Variants in DPP6 observed in about 807,000 individuals in gnomAD.
The protein encoded by DPP6 is dipeptidyl peptidase like 6.
Under a neutral mutation model 122.6 loss-of-function variants are expected in DPP6, and 69 were observed. That is an observed-to-expected ratio of 0.56 (90% CI 0.46 to 0.69). The LOEUF (loss-of-function observed/expected upper bound fraction) is 0.69. DPP6 is among the 30% of genes least tolerant of loss of function. The pLI is 0.00. For missense variants in DPP6, 928 were observed against 1,116.9 expected, an observed-to-expected ratio of 0.83 and a Z score of 2.41; for synonymous variants, 418 against 433.1, an observed-to-expected ratio of 0.97 and a Z score of 0.43.
intron 2 of DPP6, among the ~76,000 whole-genome samples, chr7:154,461,737 GT>G (rs1821318244): frequency 6.6e-6 from 1 of 152,110 alleles, no homozygotes; most frequent in African/African-American, 2.4e-5. Context: ...CTATAGAGTT[GT>G]TTGAGCTCCA....
intron 8 of DPP6, among the ~76,000 whole-genome samples, chr7:154,757,124 C>A (rs1843723964): frequency 6.6e-6 from 1 of 151,458 alleles, no homozygotes; most frequent in African/African-American, 2.4e-5. Flanking sequence ...TCCTGAGGAA[C>A]AGGCCAGCCC....
At chr7:154,739,791 A>G (rs1465934766) in intron 8 of DPP6, among the ~76,000 whole-genome samples, 1 of 152,194 alleles carries the variant, frequency 6.6e-6, no homozygotes, top group African/African-American at 2.4e-5. Context: ...TGATGAATGC[A>G]GTTCCCAATG....
At chr7:154,255,231 C>G (rs1333243122) in intron 1 of DPP6, among the ~76,000 whole-genome samples, 2 of 152,104 alleles carry the variant, frequency 1.3e-5, no homozygotes, top group South Asian at 4.1e-4. Flanking sequence ...AGCTGCCTGC[C>G]TCTGTGTCAA....
chr7:153,996,411 A>G lies in DPP6; in HGVS notation c.51+108677A>G, dbSNP rs77933402. ...CTAAAAATTCTGGGCCTATCCTTCA[A>G]GGTTCAATCTCATAGTTTCTTCCTC... On this transcript the variant is annotated intron_variant, in intron 1 of 25. Coordinates refer to the DPP6 transcript ENST00000404039. Among the ~76,000 whole-genome samples the G allele has an allele frequency of 7.5e-3, 1,143 of 152,098 alleles. 29 individuals carry two copies. The East Asian group carries it at 0.076, about 10-fold the overall frequency.
At chr7:154,199,605 C>CTT (rs1016653338) in intron 1 of DPP6, among the ~76,000 whole-genome samples, 2 of 145,670 alleles carry the variant, frequency 1.4e-5, no homozygotes. Flanking sequence ...CTCTCAGCCA[C>CTT]TTTTTTTTTT....
chr7:154,322,859 C>T (rs570454269), intron 1 of DPP6, among the ~76,000 whole-genome samples: 1 of 152,228 alleles, frequency 6.6e-6, no homozygotes, highest in African/African-American at 2.4e-5. Flanking sequence ...GCTTCAATGC[C>T]TGTACTTATA....
intron 1 of DPP6, among the ~76,000 whole-genome samples, chr7:153,926,864 T>A (rs531056014): frequency 6.6e-6 from 1 of 152,322 alleles, no homozygotes; most frequent in African/African-American, 2.4e-5. Context: ...GTATATTCTT[T>A]TATCTTACAG....
chr7:154,312,127 C>T (rs779218516), intron 1 of DPP6, among the ~76,000 whole-genome samples: 4 of 152,174 alleles, frequency 2.6e-5, no homozygotes, highest in Non-Finnish European at 5.9e-5. Context: ...CTGTGCACAT[C>T]CTGGAGGTAT....
the DPP6 span, among the ~76,000 whole-genome samples, chr7:153,788,424 GA>G: frequency 2.6e-5 from 4 of 152,280 alleles, no homozygotes; most frequent in Admixed American, 2.6e-4. Context: ...AAAAGAATTC[GA>G]TTAGCTCAGT....
At chr7:153,998,489 C>T (rs1234532611) in intron 1 of DPP6, among the ~76,000 whole-genome samples, 2 of 152,124 alleles carry the variant, frequency 1.3e-5, no homozygotes, top group African/African-American at 4.8e-5. Flanking sequence ...CCAAGCAAAG[C>T]TCAGAATCTT....
intron 16 of DPP6, among the ~76,000 whole-genome samples, chr7:154,810,451 G>T (rs1798979215): frequency 6.6e-6 from 1 of 152,208 alleles, no homozygotes; most frequent in East Asian, 1.9e-4. Context: ...AAAGTTTAGA[G>T]AGCACTATAG....
At chr7:154,788,834 C>T (rs1380284789) in intron 10 of DPP6, among the ~76,000 whole-genome samples, 1 of 152,164 alleles carries the variant, frequency 6.6e-6, no homozygotes, top group African/African-American at 2.4e-5. Flanking sequence ...TAGGAAGGCT[C>T]ATCTTCTTCT....
At chr7:154,751,516 G>A (rs915049262) in intron 8 of DPP6, among the ~76,000 whole-genome samples, 3 of 151,334 alleles carry the variant, frequency 2.0e-5, no homozygotes, top group Admixed American at 6.6e-5. Context: ...AGGCTGAGGT[G>A]GAAGAATCGC....
chr7:154,182,310 A>G (rs1250258676), intron 1 of DPP6, among the ~76,000 whole-genome samples: 3 of 152,174 alleles, frequency 2.0e-5, no homozygotes, highest in Non-Finnish European at 4.4e-5. Context: ...CAAGATCTCC[A>G]GGGCTCCAAG....
At chr7:154,443,525 TGGA>T in intron 1 of DPP6, among the ~76,000 whole-genome samples, 1 of 144,090 alleles carries the variant, frequency 6.9e-6, no homozygotes, top group Non-Finnish European at 1.5e-5. Context: ...GATGGATGGA[TGGA>T]TGGATGGATG....
At chr7:154,365,837 A>G (rs1055329984) in intron 1 of DPP6, among the ~76,000 whole-genome samples, 2 of 152,000 alleles carry the variant, frequency 1.3e-5, no homozygotes, top group Non-Finnish European at 2.9e-5. Context: ...GGACGCCTGT[A>G]GTCCCAGCTA....
At chr7:154,560,555 AT>A (rs1452265117) in intron 4 of DPP6, among the ~76,000 whole-genome samples, 1 of 152,190 alleles carries the variant, frequency 6.6e-6, no homozygotes, top group Non-Finnish European at 1.5e-5. Flanking sequence ...TATCTATGTT[AT>A]CTAATTTTAA....
chr7:153,870,082 C>A, the DPP6 span, among the ~76,000 whole-genome samples: 1 of 152,184 alleles, frequency 6.6e-6, no homozygotes, highest in Non-Finnish European at 1.5e-5. Flanking sequence ...CTGCCCTTAA[C>A]ATTTTTTCCT....
At chr7:154,137,222 G>A (rs904762685) in intron 1 of DPP6, among the ~76,000 whole-genome samples, 15 of 152,232 alleles carry the variant, frequency 9.9e-5, no homozygotes, top group Admixed American at 3.3e-4. Context: ...TGCCTCTGGC[G>A]TGTCTAGTTT....
Sources: gnomAD v4.1 joint callset for allele counts (sites outside exome capture counted in the v4.1 genomes callset) on GRCh38, gnomAD v4.1.1 for gene constraint, MANE v1.5 for transcripts, NCBI Gene and HGNC (gene_info 2026-07-23, HGNC 2026-07-21) for gene names.